The following RIF1 variants were observed in gnomAD, a reference collection of about 807,000 sequenced individuals.
RIF1 encodes the protein telomere-associated protein RIF1.
In RIF1, 45 loss-of-function variants were observed where a neutral mutation model predicts 247.1. The ratio of observed to expected loss-of-function variants is 0.18; its 90% CI spans 0.14 to 0.23. RIF1 has a LOEUF of 0.23. RIF1 is among the 10% of genes least tolerant of loss of function. The pLI is 1.00. For synonymous variants in RIF1, 1,087 were observed against 978.8 expected (o/e 1.11, Z -2.06); for missense variants, 2,967 against 2,862.5 (o/e 1.04, Z -0.83).
chr2:151,502,917 T>C, intron 11 of RIF1: 1 of 1,328,958 alleles, frequency 7.5e-7, no homozygotes, highest in Admixed American at 1.9e-5. Context: ...CCAGAGGACA[T>C]TTAAAACAGG....
chr2:151,498,340 C>G, intron 10 of RIF1: 1 of 1,550,020 alleles, frequency 6.5e-7, no homozygotes, highest in Non-Finnish European at 8.7e-7. Context: ...CCCAGGTTTT[C>G]TTTGTATAGC....
chr2:151,471,025 C>CTT (rs34599147), intron 34 of RIF1, among the ~76,000 whole-genome samples: 21 of 151,072 alleles, frequency 1.4e-4, no homozygotes, highest in Non-Finnish European at 2.8e-4. Context: ...AATTTTGAAT[C>CTT]TTTTTTTTTA....
the RIF1 span, among the ~76,000 whole-genome samples, chr2:151,531,580 G>A: frequency 3.3e-5 from 5 of 152,140 alleles, no homozygotes; most frequent in African/African-American, 7.2e-5. Flanking sequence ...GCTTCCCAAA[G>A]TGCTGGAATT....
Position 151,410,464 on chromosome 2 carries a change from A to G in RIF1, c.41A>G (p.Glu14Gly). The G allele has an allele frequency of 6.2e-7, 1 of 1,613,976 alleles. No homozygotes were observed. Among genetic ancestry groups the G allele is most frequent in the Non-Finnish European group, 8.5e-7 (1 of 1,179,990 alleles). ...CAGAGCCCCCTCGCGCCGCTGTTGG[A>G]GACTTTGGAAGACCCTTCTGCCTCC... ...RGQSPLAPLLETLEDPSASHG... is the reference protein window; with the variant it reads ...RGQSPLAPLLGTLEDPSASHG... Residue 14 changes from glutamate (E) to glycine (G), a missense_variant, in exon 2 of 36, where the codon GAG becomes GGG. By Grantham distance (98) the Glu-to-Gly change is moderately conservative (BLOSUM62 -2). This residue lies in a region of RIF1 where 269 missense variants were observed against 288.6 expected (regional missense o/e 0.93). Coordinates refer to ENST00000444746, the MANE Select transcript of RIF1 (RefSeq NM_018151.5).
At chr2:151,485,600 T>C (rs186312965), downstream of RIF1, 2 of 606,870 alleles carry the variant, frequency 3.3e-6, no homozygotes, top group African/African-American at 1.8e-5. Flanking sequence ...CTGCAACTTA[T>C]TTTAAAACCC....
At chr2:151,526,188 C>T in the RIF1 span, 1 of 1,613,978 alleles carries the variant, frequency 6.2e-7, no homozygotes, top group Non-Finnish European at 8.5e-7. Context: ...CAGTCTTCGC[C>T]AGCAGGATCT....
chr2:151,486,051 ATG>A (rs1431477183), downstream of RIF1: 10 of 1,023,294 alleles, frequency 9.8e-6, no homozygotes. Flanking sequence ...ACAAAAGAGA[ATG>A]TGCAAGCATC....
chr2:151,498,309 A>G lies in RIF1; in HGVS notation c.*514-1036A>G, dbSNP rs2061739053. On this transcript the variant is annotated intron_variant and NMD_transcript_variant, in intron 10 of 13. Coordinates refer to the RIF1 transcript ENST00000454583. Reference sequence around the variant, plus strand: ...TTTGACTCTCTGCATCTCAGGAGTGATGGGGATTGGAATTCCTGTCCCCAG... The same window carrying G: ...TTTGACTCTCTGCATCTCAGGAGTGGTGGGGATTGGAATTCCTGTCCCCAG... The G allele has an allele frequency of 1.5e-5, 24 of 1,551,438 alleles. No homozygotes were observed. The highest frequency in any genetic ancestry group is 1.9e-5 in the Non-Finnish European group (22 of 1,146,820).
At chr2:151,432,769 C>T (rs1690407486) in intron 9 of RIF1, among the ~76,000 whole-genome samples, 1 of 152,204 alleles carries the variant, frequency 6.6e-6, no homozygotes, top group African/African-American at 2.4e-5. Flanking sequence ...ATGTCAATAG[C>T]ATCCCCTCAT....
chr2:151,491,645 G>C (rs1402311621), intron 9 of RIF1: 1 of 1,443,434 alleles, frequency 6.9e-7, no homozygotes, highest in South Asian at 1.2e-5. Context: ...ATACTAAATG[G>C]TGATGTTTAT....
chr2:151,521,425 C>A, the RIF1 span, among the ~76,000 whole-genome samples: 5 of 152,120 alleles, frequency 3.3e-5, no homozygotes, highest in South Asian at 2.1e-4. Context: ...AAGTGGAAGG[C>A]CTGCTAAGGA....
At chr2:151,445,188 C>A in intron 18 of RIF1, 150 bp from the exon 19 acceptor site, 1 of 623,318 alleles carries the variant, frequency 1.6e-6, no homozygotes, top group Non-Finnish European at 2.9e-6. Context: ...AGACTACATG[C>A]GTAGGTTCGA....
At position 151,432,598 on chromosome 2, in the gene RIF1, T is replaced by A. The variant is rs913793946; in HGVS notation, c.926-479T>A. 3.3e-5 allele frequency among the ~76,000 whole-genome samples: 5 copies of A among 152,344 alleles called. No individual in the cohort carries two copies. The South Asian group carries it at 1.0e-3, about 32-fold the overall frequency. On this transcript the variant is annotated intron_variant, in intron 9 of 35. Transcript: ENST00000444746. The stretch of plus-strand genomic sequence containing the variant: ...AGCCTTTTTTGACATAATGTAAACA[T>A]ATGCTTCCGTTTCTTTGTCAAATGG...
At chr2:151,527,655 A>G in the RIF1 span, 1 of 1,085,056 alleles carries the variant, frequency 9.2e-7, no homozygotes, top group African/African-American at 1.6e-5. Context: ...CACATGGCAC[A>G]GAGGGGCTCT....
chr2:151,414,183 G>A (rs947472973), intron 3 of RIF1, among the ~76,000 whole-genome samples: 2 of 151,864 alleles, frequency 1.3e-5, no homozygotes, highest in Non-Finnish European at 2.9e-5. Flanking sequence ...GGTGGCGCGC[G>A]CCTGTCATCC....
In RIF1 at chr2:151,458,817, A is replaced by T; in HGVS notation, c.2862A>T (p.Val954=). ...MLVYPEELKP[V]LTQAKQKFLL... The stretch of plus-strand genomic sequence containing the variant: ...TTTATGTACTTTTTTAAAGACCAGT[A>T]CTAACACAAGCCAAACAAAAATTTC... Residue 954 remains valine, a synonymous_variant, in exon 25 of 36, where the codon GTA becomes GTT. Transcript: ENST00000444746. 6.2e-7 allele frequency: 1 copy of T among 1,605,178 alleles called. No homozygotes were observed. The highest frequency in any genetic ancestry group is 8.5e-7 in the Non-Finnish European group (1 of 1,172,650).
At chr2:151,469,955 C>T (rs1697540647) in intron 34 of RIF1, 91 bp downstream of exon 34, 2 of 861,716 alleles carry the variant, frequency 2.3e-6, no homozygotes, top group Non-Finnish European at 3.4e-6. Flanking sequence ...TTCATAATGG[C>T]ACAGGGAAAT....
chr2:151,524,261 CTT>C, the RIF1 span: 5 of 1,482,068 alleles, frequency 3.4e-6, no homozygotes, highest in Admixed American at 8.4e-5. Context: ...CCTGCAAGGT[CTT>C]TTATAATCTC....
chr2:151,533,052 A>T, the RIF1 span, among the ~76,000 whole-genome samples: 8 of 152,334 alleles, frequency 5.3e-5, no homozygotes, highest in East Asian at 1.3e-3. Context: ...TGATAATTGA[A>T]CAAGAGACAC....
Sources: allele counts gnomAD v4.1 joint callset (sites outside exome capture counted in the v4.1 genomes callset), GRCh38; gene constraint gnomAD v4.1.1; regional missense constraint gnomAD v4.1.1; transcripts MANE v1.5; gene names NCBI Gene and HGNC (gene_info 2026-07-23, HGNC 2026-07-21).